The following ITGBL1 variants were observed in gnomAD, a reference collection of about 807,000 sequenced individuals.
The protein encoded by ITGBL1 is integrin subunit beta like 1.
ITGBL1 carries 51 observed loss-of-function variants against 68.5 expected under a neutral mutation model. The ratio of observed to expected loss-of-function variants is 0.74; its 90% CI spans 0.59 to 0.94. ITGBL1 has a LOEUF of 0.94. Ranked by LOEUF, ITGBL1 falls within the 40% of genes least tolerant of loss-of-function variation. The probability of loss-of-function intolerance (pLI) is 0.00; values close to 1 mark genes in which losing one functional copy is unlikely to be tolerated. For missense variants in ITGBL1, 649 were observed against 647.4 expected, an observed-to-expected ratio of 1.00 and a Z score of -0.03; for synonymous variants, 209 against 227.3, an observed-to-expected ratio of 0.92 and a Z score of 0.72.
chr13:101,698,371 T>C (rs1210418211), intron 8 of ITGBL1, among the ~76,000 whole-genome samples: 2 of 152,218 alleles, frequency 1.3e-5, no homozygotes, highest in Non-Finnish European at 2.9e-5. Flanking sequence ...ACACTAAAGA[T>C]GATTAAACCA....
At chr13:101,612,766 A>G (rs1380023155) in intron 7 of ITGBL1, among the ~76,000 whole-genome samples, 2 of 152,120 alleles carry the variant, frequency 1.3e-5, no homozygotes, top group Non-Finnish European at 2.9e-5. Context: ...GGGTGAGCAC[A>G]GGGCGACACT....
At chr13:101,665,217 G>A (rs2033185805) in intron 7 of ITGBL1, among the ~76,000 whole-genome samples, 1 of 152,062 alleles carries the variant, frequency 6.6e-6, no homozygotes, top group East Asian at 1.9e-4. Flanking sequence ...TGATGTGGAT[G>A]CATTAAATCT....
intron 2 of ITGBL1, among the ~76,000 whole-genome samples, chr13:101,499,831 G>A (rs2048913023): frequency 6.6e-6 from 1 of 152,212 alleles, no homozygotes; most frequent in Non-Finnish European, 1.5e-5. Context: ...ATAAGAGATG[G>A]CTCAGGGCTT....
At chr13:101,616,881 C>T (rs532076398) in intron 7 of ITGBL1, among the ~76,000 whole-genome samples, 1 of 152,272 alleles carries the variant, frequency 6.6e-6, no homozygotes, top group South Asian at 2.1e-4. Flanking sequence ...ATCCCATATC[C>T]AGGGACTCTT....
At chr13:101,585,450 A>T (rs1257313497) in intron 6 of ITGBL1, among the ~76,000 whole-genome samples, 1 of 152,102 alleles carries the variant, frequency 6.6e-6, no homozygotes, top group Non-Finnish European at 1.5e-5. Context: ...TTCTTTTTTG[A>T]GATGGAGTCT....
intron 2 of ITGBL1, among the ~76,000 whole-genome samples, chr13:101,477,510 T>G (rs2048555137): frequency 1.3e-5 from 2 of 151,408 alleles, no homozygotes; most frequent in African/African-American, 4.8e-5. Flanking sequence ...GAGATCAAAT[T>G]AAAAAAATAA....
chr13:101,682,144 C>T (rs2033658039), intron 7 of ITGBL1, among the ~76,000 whole-genome samples: 1 of 152,108 alleles, frequency 6.6e-6, no homozygotes, highest in African/African-American at 2.4e-5. Flanking sequence ...TCTTCTCTTA[C>T]CCTCTGATTA....
intron 2 of ITGBL1, among the ~76,000 whole-genome samples, chr13:101,464,887 AT>A (rs1204508217): frequency 6.6e-6 from 1 of 152,142 alleles, no homozygotes. Context: ...CCACTTTCAA[AT>A]TTCTGTAATG....
chr13:101,505,652 A>G (rs1335589), intron 2 of ITGBL1, among the ~76,000 whole-genome samples: 118,090 of 152,192 alleles, frequency 0.78, 46,189 homozygotes, highest in African/African-American at 0.88. Flanking sequence ...ACAAGACAGC[A>G]TTGTGAAGAA....
intron 7 of ITGBL1, among the ~76,000 whole-genome samples, chr13:101,674,566 T>C (rs1169873592): frequency 6.6e-6 from 1 of 152,174 alleles, no homozygotes; most frequent in Non-Finnish European, 1.5e-5. Context: ...ATGAATGATT[T>C]TAAATATTGT....
intron 2 of ITGBL1, among the ~76,000 whole-genome samples, chr13:101,552,323 T>C (rs1411476226): frequency 6.6e-6 from 1 of 152,180 alleles, no homozygotes; most frequent in African/African-American, 2.4e-5. Context: ...TGTCTACTGA[T>C]CTAGGTGTTT....
intron 2 of ITGBL1, among the ~76,000 whole-genome samples, chr13:101,549,515 T>A (rs1407537049): frequency 6.6e-6 from 1 of 151,734 alleles, no homozygotes; most frequent in Admixed American, 6.6e-5. Flanking sequence ...GGCTGCAACA[T>A]GATGGAAGTA....
intron 7 of ITGBL1, among the ~76,000 whole-genome samples, chr13:101,657,224 G>A (rs2032954603): frequency 6.6e-6 from 1 of 152,106 alleles, no homozygotes; most frequent in African/African-American, 2.4e-5. Context: ...CTTTTATTAT[G>A]CTTAGCCCAG....
chr13:101,577,484 T>G (rs909006987), intron 4 of ITGBL1, among the ~76,000 whole-genome samples: 6 of 152,224 alleles, frequency 3.9e-5, no homozygotes, highest in Non-Finnish European at 7.3e-5. Context: ...ACATAATTTT[T>G]GCTTCCTTAT....
intron 2 of ITGBL1, among the ~76,000 whole-genome samples, chr13:101,515,216 G>C (rs1248925742): frequency 6.6e-6 from 1 of 151,934 alleles, no homozygotes; most frequent in Non-Finnish European, 1.5e-5. Context: ...AGTAAATCTG[G>C]ATGTAAATCC....
At chr13:101,549,219 G>A (rs1258891671) in intron 2 of ITGBL1, among the ~76,000 whole-genome samples, 3 of 151,852 alleles carry the variant, frequency 2.0e-5, no homozygotes, top group Non-Finnish European at 4.4e-5. Context: ...AATATGGACA[G>A]TAACCATATT....
At chr13:101,670,121 G>C (rs1223122687) in intron 7 of ITGBL1, among the ~76,000 whole-genome samples, 1 of 152,130 alleles carries the variant, frequency 6.6e-6, no homozygotes, top group Non-Finnish European at 1.5e-5. Context: ...GGCTTTTCTT[G>C]ATGTGTCTGA....
intron 2 of ITGBL1, among the ~76,000 whole-genome samples, chr13:101,502,109 A>G (rs1020358368): frequency 1.3e-5 from 2 of 152,192 alleles, no homozygotes; most frequent in East Asian, 1.9e-4. Context: ...GATATCATAG[A>G]TATAAGTACA....
intron 6 of ITGBL1, among the ~76,000 whole-genome samples, chr13:101,590,594 TCAATGTTATTGTTAAAGTGTCAACAAG>T (rs1422246231): frequency 5.9e-5 from 9 of 152,292 alleles, no homozygotes; most frequent in African/African-American, 2.2e-4. Flanking sequence ...AATCTGGTTT[TCAATGTTATTGTTAAAGTGTCAACAAG>T]CAATGTTATT....
Sources: gnomAD v4.1 joint callset for allele counts (sites outside exome capture counted in the v4.1 genomes callset) on GRCh38, gnomAD v4.1.1 for gene constraint, MANE v1.5 for transcripts, NCBI Gene and HGNC (gene_info 2026-07-23, HGNC 2026-07-21) for gene names.